TSR2: variants seen among roughly 807,000 people sequenced by gnomAD.
TSR2 encodes TSR2 ribosome maturation factor.
TSR2 carries 1 observed loss-of-function variant against 13.3 expected under a neutral mutation model. That is an observed-to-expected ratio of 0.08 (90% CI 0.03 to 0.36). TSR2 has a LOEUF of 0.36. TSR2 is among the 10% of genes least tolerant of loss of function. The pLI, the probability that TSR2 is intolerant of heterozygous loss-of-function variation, is 0.99. For synonymous variants in TSR2, 60 were observed against 57.7 expected, an observed-to-expected ratio of 1.04 and a Z score of -0.18; for missense variants, 120 against 151.1, an observed-to-expected ratio of 0.79 and a Z score of 1.08.
chrX:54,444,317 A>G (rs760292084), intron 4 of TSR2, 99 bp from the exon 5 acceptor site: 4 of 1,146,072 alleles, frequency 3.5e-6, no homozygotes, highest in South Asian at 2.1e-5. Context: ...AGGGCAGGGA[A>G]CTTTCCTAAA....
rs1416088146 is a variant in TSR2, at chrX:54,446,140, G to C, written c.*1590G>C. On this transcript the variant is annotated 3_prime_UTR_variant, in exon 5 of 5. Coordinates refer to ENST00000375151, the MANE Select transcript of TSR2 (RefSeq NM_058163.3). Reference sequence around the variant, plus strand: ...CTTGTCTCGGGTCTGGGGGGATTCGGGGGGTTCAGCAGTGGCTCCTAAAGC... The same window carrying C: ...CTTGTCTCGGGTCTGGGGGGATTCGCGGGGTTCAGCAGTGGCTCCTAAAGC... 1 of 1,208,713 alleles carries C rather than the reference G, an allele frequency of 8.3e-7. No individual in the cohort carries two copies. Among genetic ancestry groups the C allele is most frequent in the East Asian group, 3.0e-5 (1 of 33,693 alleles).
Position 54,446,420 on chromosome X carries a change from G to A in TSR2, c.*1870G>A, listed in dbSNP as rs368589817. The A allele has an allele frequency of 1.2e-4, 145 of 1,204,591 alleles. No individual in the cohort carries two copies. Among genetic ancestry groups the A allele is most frequent in the Non-Finnish European group, 1.4e-4 (127 of 892,232 alleles). On this transcript the variant is annotated 3_prime_UTR_variant, in exon 5 of 5. Coordinates refer to ENST00000375151, the MANE Select transcript of TSR2 (RefSeq NM_058163.3). ...CTGCGCTGGGCTTTCACATCCTGGC[G>A]GGAGGAGGGACAGAGCTGGGGCCAC...
chrX:54,443,380 C>T lies in TSR2; in HGVS notation c.173-20C>T. 2 of 1,171,676 alleles carry T rather than the reference C, an allele frequency of 1.7e-6. No homozygotes were observed. Among genetic ancestry groups the T allele is most frequent in the Non-Finnish European group, 2.3e-6 (2 of 860,925 alleles). ...AGTTGGCTGGTCTTTGACCCAAGGG[C>T]CCTGTCCTTTTCTACTTAGCTGACT... On this transcript the variant is annotated intron_variant, in intron 2 of 4. Transcript: ENST00000375151.
intron 2 of TSR2, among the ~76,000 whole-genome samples, chrX:54,441,207 CATT>C (rs971483165): frequency 8.9e-6 from 1 of 111,845 alleles, no homozygotes; most frequent in Non-Finnish European, 1.9e-5. Context: ...AGATATTTTA[CATT>C]TTTTAGTATT....
chrX:54,447,341 G>A lies in TSR2; in HGVS notation c.*2791G>A. On this transcript the variant is annotated 3_prime_UTR_variant, in exon 5 of 5. Transcript: ENST00000375151. ...GGGCTCCGTAGATATACAGCACCAA[G>A]GGTTCATTTTCAGGGACCACGAACC... is the stretch of plus-strand genomic sequence containing the variant. The A allele has an allele frequency of 8.3e-7, 1 of 1,211,936 alleles. No homozygotes were observed.
At chrX:54,443,330 G>A in intron 2 of TSR2, 70 bp from the exon 3 acceptor site, 1 of 754,125 alleles carries the variant, frequency 1.3e-6, no homozygotes, top group Non-Finnish European at 2.0e-6. Context: ...AGTAGATATT[G>A]AAGAGCAGTG....
chrX:54,444,928 C>T lies in TSR2; in HGVS notation c.*378C>T. 2 of 130,151 alleles carry T rather than the reference C, an allele frequency of 1.5e-5. No homozygotes were observed. The highest frequency in any genetic ancestry group is 3.1e-5 in the Non-Finnish European group (2 of 64,446). The allele number at this position is 130,151 out of a possible 1,213,427, so 10.7% of individuals were successfully genotyped here. On this transcript the variant is annotated 3_prime_UTR_variant, in exon 5 of 5. Coordinates refer to ENST00000375151, the MANE Select transcript of TSR2 (RefSeq NM_058163.3). ...TTGGGGAGGAGAGGATCAGCAGCAG[C>T]AGCAGTACTCAGTGATAGGGGGCTG...
In TSR2 at chrX:54,446,779, A is replaced by G. The variant is rs1357835620; in HGVS notation, c.*2229A>G. ...TGCCCTGTTGCCCAGGCTGGAGTGCAGTGGCATGAACTTGGCTCACTGCAA... is the reference window on the plus strand; with the variant it reads ...TGCCCTGTTGCCCAGGCTGGAGTGCGGTGGCATGAACTTGGCTCACTGCAA... On this transcript the variant is annotated 3_prime_UTR_variant, in exon 5 of 5. Transcript: ENST00000375151. 1.0e-5 allele frequency among the ~76,000 whole-genome samples: 1 copy of G among 98,566 alleles called. No individual in the cohort carries two copies. Among genetic ancestry groups the G allele is most frequent in the Non-Finnish European group, 2.0e-5 (1 of 50,227 alleles). 85.6% of individuals were successfully genotyped at this position (98,566 alleles called of 115,157 possible). A position where few individuals can be genotyped will look rare whatever the true frequency, so the allele number is the denominator to read the frequency against.
Position 54,447,596 on chromosome X carries a change from C to A in TSR2, c.*3046C>A. 1 of 628,767 alleles carries A rather than the reference C, an allele frequency of 1.6e-6. No individual in the cohort carries two copies. The highest frequency in any genetic ancestry group is 2.5e-6 in the Non-Finnish European group (1 of 397,112). The allele number at this position is 628,767 out of a possible 1,213,427, so 51.8% of individuals were successfully genotyped here. On this transcript the variant is annotated 3_prime_UTR_variant, in exon 5 of 5. Coordinates refer to ENST00000375151, the MANE Select transcript of TSR2 (RefSeq NM_058163.3). The stretch of plus-strand genomic sequence containing the variant: ...GCTCAGGTGGCAGGAGTGATTTGTC[C>A]AGTGCCACCCAGTGAATCAGCTAGA...
Position 54,447,422 on chromosome X carries a change from G to T in TSR2, c.*2872G>T. On this transcript the variant is annotated 3_prime_UTR_variant, in exon 5 of 5. Coordinates refer to ENST00000375151, the MANE Select transcript of TSR2 (RefSeq NM_058163.3). Reference sequence around the variant, plus strand: ...CCATGTAGTGCAGGAAGCTGCAGATGACGCTGTTCTCTGCAGCCACTGAGG... The same window carrying T: ...CCATGTAGTGCAGGAAGCTGCAGATTACGCTGTTCTCTGCAGCCACTGAGG... 8.3e-7 allele frequency: 1 copy of T among 1,210,763 alleles called. No individual in the cohort carries two copies. Among genetic ancestry groups the T allele is most frequent in the Non-Finnish European group, 1.1e-6 (1 of 894,606 alleles).
intron 2 of TSR2, 71 bp downstream of exon 2, chrX:54,440,851 C>T (rs1921903757): frequency 3.5e-6 from 3 of 846,253 alleles, no homozygotes; most frequent in South Asian, 2.6e-5. Flanking sequence ...TCCCGCAGAG[C>T]CTGCATTTCC....
intron 2 of TSR2, 123 bp from the exon 3 acceptor site, chrX:54,443,277 A>G (rs1423207757): frequency 1.0e-5 from 5 of 490,530 alleles, no homozygotes; most frequent in Non-Finnish European, 1.8e-5. Context: ...TTAGCAGATA[A>G]AAGGCTCACT....
At chrX:54,441,860 T>C (rs1279158272) in intron 2 of TSR2, among the ~76,000 whole-genome samples, 1 of 111,651 alleles carries the variant, frequency 9.0e-6, no homozygotes, top group African/African-American at 3.3e-5. Flanking sequence ...CCAAAATTCA[T>C]GCTAACTAGT....
Position 54,447,498 on chromosome X carries a change from G to A in TSR2, c.*2948G>A. On this transcript the variant is annotated 3_prime_UTR_variant, in exon 5 of 5. Coordinates refer to ENST00000375151, the MANE Select transcript of TSR2 (RefSeq NM_058163.3). ...GGCATCAATGTTGACAGAAGGCCTA[G>A]CCTGGCTCCTCCTAGCTTTAATACC... 2 of 1,180,897 alleles carry A rather than the reference G, an allele frequency of 1.7e-6. No individual in the cohort carries two copies. The highest frequency in any genetic ancestry group is 2.3e-6 in the Non-Finnish European group (2 of 873,206).
rs1922187073 is a variant in TSR2, at chrX:54,446,532, C to T, written c.*1982C>T. 1 of 634,810 alleles carries T rather than the reference C, an allele frequency of 1.6e-6. No homozygotes were observed. The highest frequency in any genetic ancestry group is 2.4e-6 in the Non-Finnish European group (1 of 414,744). The allele number at this position is 634,810 out of a possible 1,213,427, so 52.3% of individuals were successfully genotyped here. A position where few individuals can be genotyped will look rare whatever the true frequency, so the allele number is the denominator to read the frequency against. On this transcript the variant is annotated 3_prime_UTR_variant, in exon 5 of 5. Coordinates refer to ENST00000375151, the MANE Select transcript of TSR2 (RefSeq NM_058163.3). ...AGTCCCCTACTCAGGAACTCCCCTA[C>T]TCAGGAACCTTCCGTGGCTCCAGTG...
chrX:54,443,415 A>G lies in TSR2; in HGVS notation c.188A>G (p.Asp63Gly), dbSNP rs746504068. ...YFMRNADLEL[D>G]EVEDFLGELL... is the part of the protein sequence containing the mutation. The stretch of plus-strand genomic sequence containing the variant: ...TTCTACTTAGCTGACTTGGAGCTAG[A>G]TGAGGTGGAAGACTTCCTTGGAGAG... Residue 63 changes from aspartate to glycine, a missense_variant, in exon 3 of 5, where the codon GAT becomes GGT. This residue lies in a region of TSR2 where 53 missense variants were observed against 52.3 expected (regional missense o/e 1.01). Coordinates refer to ENST00000375151, the MANE Select transcript of TSR2 (RefSeq NM_058163.3). 4 of 1,206,929 alleles carry G rather than the reference A, an allele frequency of 3.3e-6. No individual in the cohort carries two copies. The South Asian group carries it at 7.1e-5, about 22-fold the overall frequency.
chrX:54,447,644 G>A lies in TSR2; in HGVS notation c.*3094G>A, dbSNP rs866218366. Among the ~76,000 whole-genome samples, 1 of 112,808 alleles carries A rather than the reference G, an allele frequency of 8.9e-6. No individual in the cohort carries two copies. The highest frequency in any genetic ancestry group is 1.9e-5 in the Non-Finnish European group (1 of 53,391). ...AGAGCTGAGATTCAAAGCTAGGTTC[G>A]TCTGCCTCATTTGGGCAACGGCTGC... On this transcript the variant is annotated 3_prime_UTR_variant, in exon 5 of 5. Coordinates refer to ENST00000375151, the MANE Select transcript of TSR2 (RefSeq NM_058163.3).
rs749636767 is a variant in TSR2, at chrX:54,444,479, C to G, written c.505C>G (p.Pro169Ala). The G allele has an allele frequency of 1.7e-5, 21 of 1,208,681 alleles. No individual in the cohort carries two copies. Among genetic ancestry groups the G allele is most frequent in the Admixed American group, 4.4e-5 (2 of 45,680 alleles). ...CTGCCCCCAGCCTGAACCCTCTGAT[C>G]CAGACGCTCAGACTATTAAGGAAGA... ...GVCPQPEPSD[P>A]DAQTIKEEDI... The change falls in exon 5 of 5, where the codon CCA becomes GCA. Residue 169 changes from proline to alanine, a missense_variant. Transcript: ENST00000375151.
In TSR2 at chrX:54,447,760, G is replaced by A. The variant is rs923030451; in HGVS notation, c.*3210G>A. 1.1e-4 allele frequency among the ~76,000 whole-genome samples: 12 copies of A among 112,155 alleles called. No individual in the cohort carries two copies. The highest frequency in any genetic ancestry group is 1.0e-3 in the Admixed American group (11 of 10,548). On this transcript the variant is annotated 3_prime_UTR_variant, in exon 5 of 5. Coordinates refer to ENST00000375151, the MANE Select transcript of TSR2 (RefSeq NM_058163.3). ...ATTCCTCAAGCCATTCACACATTTA[G>A]GCCTCATGCTTTTTTCTGTCTTTCA...
Sources: gnomAD v4.1 joint callset for allele counts (sites outside exome capture counted in the v4.1 genomes callset) on GRCh38, gnomAD v4.1.1 for gene constraint, gnomAD v4.1.1 regional missense constraint, MANE v1.5 for transcripts, NCBI Gene and HGNC (gene_info 2026-07-23, HGNC 2026-07-21) for gene names.